Variants in ABCA1 observed in about 807,000 individuals in gnomAD.
ABCA1 encodes the protein ATP binding cassette subfamily A member 1.
ABCA1 carries 133 observed loss-of-function variants against 262.5 expected under a neutral mutation model. That is an observed-to-expected ratio of 0.51 (90% CI 0.44 to 0.59). The LOEUF (loss-of-function observed/expected upper bound fraction) is 0.59, where lower values mean the gene tolerates loss of function less well. Ranked by LOEUF, ABCA1 falls within the 20% of genes least tolerant of loss-of-function variation. ABCA1 has a pLI of 0.00. For synonymous variants in ABCA1, 1,022 were observed against 1,043.5 expected (o/e 0.98, Z 0.40); for missense variants, 2,452 against 2,777.5 (o/e 0.88, Z 2.63).
At chr9:104,796,499 A>T in intron 37 of ABCA1, 75 bp from the exon 38 acceptor site, 1 of 1,140,534 alleles carries the variant, frequency 8.8e-7, no homozygotes, top group Non-Finnish European at 1.3e-6. Flanking sequence ...TTTCACCATT[A>T]TCAGACAAGA....
Position 104,798,544 on chromosome 9 carries a change from G to A in ABCA1, c.4998C>T (p.Ser1666=). The change falls in exon 37 of 50, where the codon TCC becomes TCT. Residue 1666 remains serine, a synonymous_variant. Transcript: ENST00000374736. ...ATACGACAAAGCTGGCTGGGACGAAGGACATTGCAAAGATGACACAGATGG... is the reference window on the plus strand; with the variant it reads ...ATACGACAAAGCTGGCTGGGACGAAAGACATTGCAAAGATGACACAGATGG... ...LVSICVIFAM[S]FVPASFVVFL... 23 of 1,614,162 alleles carry A rather than the reference G, an allele frequency of 1.4e-5. No individual in the cohort carries two copies. Among genetic ancestry groups the A allele is most frequent in the Non-Finnish European group, 1.9e-5 (22 of 1,180,026 alleles).
At chr9:104,879,406 C>T (rs1245432931) in intron 5 of ABCA1, among the ~76,000 whole-genome samples, 1 of 152,194 alleles carries the variant, frequency 6.6e-6, no homozygotes, top group Non-Finnish European at 1.5e-5. Context: ...CTGATCCAAG[C>T]TTCAAGTCTT....
intron 7 of ABCA1, chr9:104,855,816 C>T (rs966399190): frequency 6.3e-7 from 1 of 1,599,404 alleles, no homozygotes; most frequent in Non-Finnish European, 8.5e-7. Context: ...GTTGCCAAAA[C>T]ACTGCTTTCC....
At chr9:104,875,171 A>G (rs1199689461) in intron 5 of ABCA1, among the ~76,000 whole-genome samples, 1 of 152,010 alleles carries the variant, frequency 6.6e-6, no homozygotes, top group Non-Finnish European at 1.5e-5. Context: ...TTGAAAAAAA[A>G]TAAATAAATA....
At position 104,793,317 on chromosome 9, in the gene ABCA1, A is replaced by C. The variant is rs1303383296; in HGVS notation, c.5507-17T>G. On this transcript the variant is annotated splice_polypyrimidine_tract_variant and intron_variant, in intron 40 of 49. Transcript: ENST00000374736. ...GATTCTCCCCTAGTAGACACAATGC[A>C]GAGATCCGGTCAGAATGGAGGGATC... 6.2e-7 allele frequency: 1 copy of C among 1,614,142 alleles called. No individual in the cohort carries two copies. The highest frequency in any genetic ancestry group is 8.5e-7 in the Non-Finnish European group (1 of 1,180,000).
At position 104,810,931 on chromosome 9, in the gene ABCA1, C is replaced by T; in HGVS notation, c.4051-7G>A. 8 of 1,614,124 alleles carry T rather than the reference C, an allele frequency of 5.0e-6. No homozygotes were observed. The highest frequency in any genetic ancestry group is 5.9e-6 in the Non-Finnish European group (7 of 1,180,008). On this transcript the variant is annotated splice_region_variant and splice_polypyrimidine_tract_variant and intron_variant, in intron 28 of 49. Coordinates refer to ENST00000374736, the MANE Select transcript of ABCA1 (RefSeq NM_005502.4). Reference sequence around the variant, plus strand: ...ACACAGCTGGCAAGACAATCTTTACCCAGGCAGTGGAGGGGGCAGGGGGAC... The same window carrying T: ...ACACAGCTGGCAAGACAATCTTTACTCAGGCAGTGGAGGGGGCAGGGGGAC...
At chr9:104,798,946 A>G (rs1290592809) in intron 36 of ABCA1, among the ~76,000 whole-genome samples, 1 of 152,218 alleles carries the variant, frequency 6.6e-6, no homozygotes, top group Non-Finnish European at 1.5e-5. Flanking sequence ...TTTCACACAC[A>G]AAGGACTAGT....
At chr9:104,788,671 A>C (rs1202777936) in intron 44 of ABCA1, 104 bp from the exon 45 acceptor site, 1 of 1,347,800 alleles carries the variant, frequency 7.4e-7, no homozygotes, top group African/African-American at 1.4e-5. Context: ...CATTACAAAG[A>C]TACCAATACA....
chr9:104,882,220 T>C (rs1838741865), intron 5 of ABCA1, among the ~76,000 whole-genome samples: 1 of 152,080 alleles, frequency 6.6e-6, no homozygotes, highest in Non-Finnish European at 1.5e-5. Flanking sequence ...CAGCCATTGG[T>C]CCATGATGGG....
chr9:104,807,935 A>C (rs1830934209), intron 30 of ABCA1, among the ~76,000 whole-genome samples: 1 of 151,586 alleles, frequency 6.6e-6, no homozygotes. Flanking sequence ...ATGTATTAAA[A>C]ATTCAAATGA....
Position 104,812,671 on chromosome 9 carries a change from T to A in ABCA1, c.3953A>T (p.Gln1318Leu), listed in dbSNP as rs1831383341. ...LSGMDGKGSYQVKGWKLTQQQ... is the reference protein window; with the variant it reads ...LSGMDGKGSYLVKGWKLTQQQ... Reference sequence around the variant, plus strand: ...CTGTGTAAGTTTCCAGCCTTTCACCTGGTAGGACCCTTTGCCATCCATCCC... The same window carrying A: ...CTGTGTAAGTTTCCAGCCTTTCACCAGGTAGGACCCTTTGCCATCCATCCC... Residue 1318 changes from glutamine to leucine, a missense_variant, in exon 28 of 50, where the codon CAG becomes CTG. Physicochemically the swap from Gln to Leu is moderately radical, Grantham distance 113 (BLOSUM62 -2). Transcript: ENST00000374736. 4 of 1,614,232 alleles carry A rather than the reference T, an allele frequency of 2.5e-6. No individual in the cohort carries two copies. Among genetic ancestry groups the A allele is most frequent in the Non-Finnish European group, 2.5e-6 (3 of 1,180,036 alleles).
intron 1 of ABCA1, among the ~76,000 whole-genome samples, chr9:104,904,702 G>T (rs59857978): frequency 6.6e-6 from 1 of 152,034 alleles, no homozygotes; most frequent in Non-Finnish European, 1.5e-5. Context: ...CAACCCTAGC[G>T]CTGTGTCTCT....
intron 1 of ABCA1, among the ~76,000 whole-genome samples, chr9:104,922,590 C>A (rs1031501165): frequency 6.6e-6 from 1 of 152,194 alleles, no homozygotes; most frequent in South Asian, 2.1e-4. Context: ...ACATATCCAA[C>A]ATACCATAAA....
intron 2 of ABCA1, 81 bp downstream of exon 2, chr9:104,903,533 T>G: frequency 7.3e-7 from 1 of 1,364,534 alleles, no homozygotes; most frequent in Non-Finnish European, 1.0e-6. Flanking sequence ...CTTCCTTCCC[T>G]CCCTCCCTCC....
chr9:104,872,987 G>A (rs1417637947), intron 5 of ABCA1, among the ~76,000 whole-genome samples: 1 of 152,176 alleles, frequency 6.6e-6, no homozygotes, highest in Admixed American at 6.5e-5. Flanking sequence ...GCAGTGCAGC[G>A]TTGCTCCCCA....
chr9:104,832,890 G>C, intron 11 of ABCA1, 119 bp from the exon 12 acceptor site: 1 of 922,954 alleles, frequency 1.1e-6, no homozygotes, highest in East Asian at 2.5e-5. Flanking sequence ...AGAAAACTGA[G>C]GTAAATGACA....
At chr9:104,849,646 C>T (rs1835205313) in intron 7 of ABCA1, among the ~76,000 whole-genome samples, 1 of 152,218 alleles carries the variant, frequency 6.6e-6, no homozygotes, top group African/African-American at 2.4e-5. Flanking sequence ...ACACATGATT[C>T]AAATTCTACA....
intron 1 of ABCA1, among the ~76,000 whole-genome samples, chr9:104,906,280 T>A (rs986919744): frequency 6.6e-6 from 1 of 152,024 alleles, no homozygotes; most frequent in Non-Finnish European, 1.5e-5. Flanking sequence ...AACCCAAATA[T>A]AGAATATCAC....
intron 1 of ABCA1, among the ~76,000 whole-genome samples, chr9:104,919,611 CA>C (rs11394015): frequency 1.2e-4 from 18 of 145,472 alleles, no homozygotes; most frequent in Non-Finnish European, 9.1e-5. Flanking sequence ...GACTCCATCT[CA>C]AAAAAAAAAG....
Sources: gnomAD v4.1 joint callset for allele counts (sites outside exome capture counted in the v4.1 genomes callset) on GRCh38, gnomAD v4.1.1 for gene constraint, MANE v1.5 for transcripts, NCBI Gene and HGNC (gene_info 2026-07-23, HGNC 2026-07-21) for gene names.